WDR33: variants seen among roughly 807,000 people sequenced by gnomAD.
WDR33 encodes the protein WD repeat domain 33, also known as pre-mRNA 3' end processing protein WDR33.
WDR33 carries 47 observed loss-of-function variants against 164.9 expected under a neutral mutation model. The ratio of observed to expected loss-of-function variants is 0.29; its 90% confidence interval spans 0.23 to 0.36. The LOEUF (loss-of-function observed/expected upper bound fraction) is 0.36. WDR33 is among the 10% of genes least tolerant of loss of function. The probability of loss-of-function intolerance (pLI) is 1.00; values close to 1 mark genes in which losing one functional copy is unlikely to be tolerated. For synonymous variants in WDR33, 505 were observed against 589.0 expected (o/e 0.86, Z 2.06); for missense variants, 1,137 against 1,754.1 (o/e 0.65, Z 6.28).
Position 127,719,581 on chromosome 2 carries a change from G to C in WDR33, c.2444C>G (p.Pro815Arg). 1 of 1,613,976 alleles carries C rather than the reference G, an allele frequency of 6.2e-7. No individual in the cohort carries two copies. Among genetic ancestry groups the C allele is most frequent in the Non-Finnish European group, 8.5e-7 (1 of 1,179,994 alleles). ...HPPQEMRGPH[P>R]PGGLLGHGPQ... Reference sequence around the variant, plus strand: ...GCCGTGTCCCAGTAGTCCACCTGGAGGGTGAGGTCCTCTCATCTCTTGAGG... The same window carrying C: ...GCCGTGTCCCAGTAGTCCACCTGGACGGTGAGGTCCTCTCATCTCTTGAGG... Residue 815 changes from proline to arginine, a missense_variant, in exon 16 of 22, where the codon CCT (proline) becomes CGT (arginine). Physicochemically the swap from Pro to Arg is moderately radical, Grantham distance 103. Coordinates refer to ENST00000322313, the MANE Select transcript of WDR33 (RefSeq NM_018383.5). The surrounding 1 kb of genome is among the most constrained non-coding windows in gnomAD (Gnocchi z 6.5).
chr2:127,734,589 T>C (rs1185034558), intron 7 of WDR33, among the ~76,000 whole-genome samples: 1 of 152,222 alleles, frequency 6.6e-6, no homozygotes, highest in Non-Finnish European at 1.5e-5. Context: ...CTTCCACTCA[T>C]TAATTCAAAA....
intron 1 of WDR33, among the ~76,000 whole-genome samples, chr2:127,771,442 C>T (rs1229100587): frequency 6.6e-6 from 1 of 152,260 alleles, no homozygotes; most frequent in South Asian, 2.1e-4. Context: ...AGACCACCAT[C>T]ATATATGTGG....
At chr2:127,728,732 T>C (rs1686628762) in intron 7 of WDR33, among the ~76,000 whole-genome samples, 1 of 152,184 alleles carries the variant, frequency 6.6e-6, no homozygotes, top group Admixed American at 6.5e-5. Flanking sequence ...ATAAATATTA[T>C]GTATAGCTAT....
rs1346760869 is a variant in WDR33, at chr2:127,724,062, C to T, written c.1196+271G>A. ...CATTGCACGCCAGCCTGGACAGAGACCCTGTCTCAAATAAATAAATAAATA... is the reference window on the plus strand; with the variant it reads ...CATTGCACGCCAGCCTGGACAGAGATCCTGTCTCAAATAAATAAATAAATA... On this transcript the variant is annotated intron_variant, in intron 11 of 21. Transcript: ENST00000322313. This position sits in a 1 kb window ranked among gnomAD's most constrained non-coding sequence, Gnocchi z 4.8. Among the ~76,000 whole-genome samples, 1 of 143,398 alleles carries T rather than the reference C, an allele frequency of 7.0e-6. No homozygotes were observed. The highest frequency in any genetic ancestry group is 1.5e-5 in the Non-Finnish European group (1 of 66,726). 94.1% of individuals were successfully genotyped at this position (143,398 alleles called of 152,430 possible). A position where few individuals can be genotyped will look rare whatever the true frequency, so the allele number is the denominator to read the frequency against.
chr2:127,709,116 G>A lies in WDR33; in HGVS notation c.3566-224C>T, dbSNP rs750819437. On this transcript the variant is annotated intron_variant, in intron 20 of 21. Coordinates refer to ENST00000322313, the MANE Select transcript of WDR33 (RefSeq NM_018383.5). This position sits in a 1 kb window ranked among gnomAD's most constrained non-coding sequence, Gnocchi z 5.0. Reference sequence around the variant, plus strand: ...TTCTCAGGCATTGTAGTATCAAGACGTCTTTACAGTCTCAAATTACTGAGG... The same window carrying A: ...TTCTCAGGCATTGTAGTATCAAGACATCTTTACAGTCTCAAATTACTGAGG... 2.6e-5 allele frequency among the ~76,000 whole-genome samples: 4 copies of A among 152,204 alleles called. No individual in the cohort carries two copies. Among genetic ancestry groups the A allele is most frequent in the Non-Finnish European group, 5.9e-5 (4 of 68,032 alleles).
Position 127,723,060 on chromosome 2 carries a change from C to T in WDR33, c.1292-16G>A, listed in dbSNP as rs1227213481. On this transcript the variant is annotated splice_polypyrimidine_tract_variant and intron_variant, in intron 12 of 21. Transcript: ENST00000322313. The surrounding 1 kb of genome is among the most constrained non-coding windows in gnomAD (Gnocchi z 5.9). ...TCGAGGTCATCTATAAATAGTAATA[C>T]ACCATTGTCAATAGAGAATTTACAA... 1 of 1,583,760 alleles carries T rather than the reference C, an allele frequency of 6.3e-7. No individual in the cohort carries two copies.
At chr2:127,747,091 AT>A (rs35223116) in intron 7 of WDR33, among the ~76,000 whole-genome samples, 9,990 of 152,258 alleles carry the variant, frequency 0.066, 440 homozygotes, top group Middle Eastern at 0.16. Flanking sequence ...ACAAAGCCTT[AT>A]TTTCAAGGCA....
At position 127,705,616 on chromosome 2, in the gene WDR33, C is replaced by T. The variant is rs1219462648; in HGVS notation, c.*707G>A. The T allele has an allele frequency of 1.1e-4, 16 of 152,228 alleles. No homozygotes were observed. Among genetic ancestry groups the T allele is most frequent in the Admixed American group, 8.5e-4 (13 of 15,282 alleles). 9.4% of individuals were successfully genotyped at this position (152,228 alleles called of 1,614,324 possible). On this transcript the variant is annotated 3_prime_UTR_variant, in exon 22 of 22. Transcript: ENST00000322313. This position sits in a 1 kb window ranked among gnomAD's most constrained non-coding sequence, Gnocchi z 4.5. ...AGATGCTTCCAAGGGGAAGCTCCCT[C>T]GTTGGACATCCAGAAGATTGCATTT...
At position 127,709,786 on chromosome 2, in the gene WDR33, G is replaced by A. The variant is rs1284919891; in HGVS notation, c.3379C>T (p.Pro1127Ser). The A allele has an allele frequency of 6.2e-7, 1 of 1,614,132 alleles. No homozygotes were observed. The highest frequency in any genetic ancestry group is 1.1e-5 in the South Asian group (1 of 91,084). ...PPRGRDGFPG[P>S]EDFGPEENFD... ...TTCTCCTCTGGACCAAAGTCTTCAG[G>A]ACCAGGAAAACCATCCCTTCCTCTG... The change falls in exon 19 of 22, where the codon CCT (proline) becomes TCT (serine). Residue 1127 changes from proline (P) to serine (S), a missense_variant. Around this residue, in one of 9 missense-constraint regions of WDR33, gnomAD observed 867 missense variants for 1,073.0 expected, o/e 0.81. Coordinates refer to ENST00000322313, the MANE Select transcript of WDR33 (RefSeq NM_018383.5). The surrounding 1 kb of genome is among the most constrained non-coding windows in gnomAD (Gnocchi z 5.0).
chr2:127,707,238 A>G (rs971806476), intron 21 of WDR33, among the ~76,000 whole-genome samples: 4 of 151,442 alleles, frequency 2.6e-5, no homozygotes, highest in Non-Finnish European at 4.4e-5. Context: ...TTAAAAAAAA[A>G]AAAAAAAGAA....
Position 127,784,162 on chromosome 2 carries a change from A to T in WDR33, c.-23-13158T>A, listed in dbSNP as rs181968049. 2.0e-5 allele frequency among the ~76,000 whole-genome samples: 3 copies of T among 152,196 alleles called. No homozygotes were observed. The East Asian group carries it at 5.8e-4, about 29-fold the overall frequency. On this transcript the variant is annotated intron_variant, in intron 1 of 21. Coordinates refer to ENST00000322313, the MANE Select transcript of WDR33 (RefSeq NM_018383.5). ...GCTGCTTTCTCATGTTTGCTTCTGCATTCAGTCTGCTGCAATATGTTATTT... is the reference window on the plus strand; with the variant it reads ...GCTGCTTTCTCATGTTTGCTTCTGCTTTCAGTCTGCTGCAATATGTTATTT...
chr2:127,795,102 CTT>C (rs552910693), intron 1 of WDR33, among the ~76,000 whole-genome samples: 43 of 131,078 alleles, frequency 3.3e-4, no homozygotes, highest in Admixed American at 6.3e-4. Context: ...AATAACTTCT[CTT>C]TTTTTTTTTT....
chr2:127,782,881 C>T lies in WDR33; in HGVS notation c.-23-11877G>A, dbSNP rs988441916. The stretch of plus-strand genomic sequence containing the variant: ...AAAATTAGCCAGGTGTGGTGGCAGG[C>T]GCCTGTAGTCCCAGCTACTTGGGAG... On this transcript the variant is annotated intron_variant, in intron 1 of 21. Coordinates refer to ENST00000322313, the MANE Select transcript of WDR33 (RefSeq NM_018383.5). Among the ~76,000 whole-genome samples, 17 of 152,154 alleles carry T rather than the reference C, an allele frequency of 1.1e-4. No individual in the cohort carries two copies. In the East Asian group the frequency reaches 1.2e-3, roughly 10 times the overall value.
intron 1 of WDR33, among the ~76,000 whole-genome samples, chr2:127,788,308 C>T (rs1167480625): frequency 8.8e-5 from 11 of 124,616 alleles, no homozygotes; most frequent in African/African-American, 1.6e-4. Context: ...GACCCCCCCA[C>T]CTCCCTCCCG....
intron 1 of WDR33, among the ~76,000 whole-genome samples, chr2:127,791,777 T>C (rs1397092951): frequency 6.6e-6 from 1 of 152,210 alleles, no homozygotes; most frequent in Non-Finnish European, 1.5e-5. Context: ...AGTGAAATTG[T>C]CTTTTTTCTT....
In WDR33 at chr2:127,721,909, T is replaced by A; in HGVS notation, c.1598A>T (p.Glu533Val). 6.2e-7 allele frequency: 1 copy of A among 1,614,080 alleles called. No individual in the cohort carries two copies. Among genetic ancestry groups the A allele is most frequent in the Non-Finnish European group, 8.5e-7 (1 of 1,180,010 alleles). The change falls in exon 15 of 22, where the codon GAG becomes GTG. Residue 533 changes from glutamate to valine, a missense_variant. By Grantham distance (121) the Glu-to-Val change is moderately radical (BLOSUM62 -2). Transcript: ENST00000322313. The surrounding 1 kb of genome is among the most constrained non-coding windows in gnomAD (Gnocchi z 4.9). ...NDRKEDIKLE[E>V]KKKTQAEIEQ... is the part of the protein sequence containing the mutation. ...AATTTCTGCTTGTGTTTTTTTCTTC[T>A]CTTCCAATTTAATGTCTTCTTTTCT...
In WDR33 at chr2:127,724,861, T is replaced by A; in HGVS notation, c.1085+26A>T. On this transcript the variant is annotated intron_variant, in intron 10 of 21. Coordinates refer to ENST00000322313, the MANE Select transcript of WDR33 (RefSeq NM_018383.5). The surrounding 1 kb of genome is among the most constrained non-coding windows in gnomAD (Gnocchi z 4.8). ...CACGTGCTCTCTTCACAAAATACAC[T>A]ACTTTTTCACATAAATCTTACATAC... 1 of 1,612,428 alleles carries A rather than the reference T, an allele frequency of 6.2e-7. No individual in the cohort carries two copies. Among genetic ancestry groups the A allele is most frequent in the Non-Finnish European group, 8.5e-7 (1 of 1,178,480 alleles).
At chr2:127,732,703 A>G (rs1686741121) in intron 7 of WDR33, among the ~76,000 whole-genome samples, 1 of 152,194 alleles carries the variant, frequency 6.6e-6, no homozygotes, top group Non-Finnish European at 1.5e-5. Flanking sequence ...TCAGATACTC[A>G]GCAGGGATGC....
chr2:127,715,088 C>CTTTTTT (rs386391178), intron 17 of WDR33, among the ~76,000 whole-genome samples: 20 of 108,572 alleles, frequency 1.8e-4, no homozygotes, highest in African/African-American at 2.6e-4. Context: ...TTCTTTGTTT[C>CTTTTTT]TTTTTTTTTT....
Sources: allele counts gnomAD v4.1 joint callset (sites outside exome capture counted in the v4.1 genomes callset), GRCh38; gene constraint gnomAD v4.1.1; regional missense constraint gnomAD v4.1.1; non-coding constraint Gnocchi (gnomAD v3.1); transcripts MANE v1.5; gene names NCBI Gene and HGNC (gene_info 2026-07-23, HGNC 2026-07-21).